Variants in IGSF21 observed in about 807,000 individuals in gnomAD.
The protein encoded by IGSF21 is immunoglobulin superfamily member 21.
A neutral mutation model predicts 46.8 loss-of-function variants in IGSF21; 28 were observed. That is an observed-to-expected ratio of 0.60 (90% CI 0.44 to 0.82). The LOEUF (loss-of-function observed/expected upper bound fraction) is 0.82. Ranked by LOEUF, IGSF21 falls within the 40% of genes least tolerant of loss-of-function variation. The pLI, the probability that IGSF21 is intolerant of heterozygous loss-of-function variation, is 0.00. For synonymous variants in IGSF21, 284 were observed against 273.6 expected (o/e 1.04, Z -0.38); for missense variants, 624 against 665.5 (o/e 0.94, Z 0.69).
At chr1:18,163,525 C>T (rs2086648643) in intron 1 of IGSF21, among the ~76,000 whole-genome samples, 1 of 152,218 alleles carries the variant, frequency 6.6e-6, no homozygotes, top group Non-Finnish European at 1.5e-5. Flanking sequence ...AGCAGATCCC[C>T]AAGGCTCTGG....
At chr1:18,258,370 A>G (rs570005473) in intron 2 of IGSF21, among the ~76,000 whole-genome samples, 1 of 152,324 alleles carries the variant, frequency 6.6e-6, no homozygotes, top group East Asian at 1.9e-4. Context: ...CTCAGTAACC[A>G]CCAATGGTAA....
rs112056562 is a variant in IGSF21, at chr1:18,277,114, C to T, written c.184-14752C>T. On this transcript the variant is annotated intron_variant, in intron 2 of 9. Transcript: ENST00000251296. ...GCCTTGAATAGATCGCCTGGCCTCC[C>T]TGGGCTGTTGCTTCTGCATTGTGCA... Among the ~76,000 whole-genome samples, 351 of 152,278 alleles carry T rather than the reference C, an allele frequency of 2.3e-3. 3 individuals carry two copies. Among genetic ancestry groups the T allele is most frequent in the African/African-American group, 8.1e-3 (337 of 41,556 alleles).
chr1:18,131,552 A>C (rs753511963), intron 1 of IGSF21, among the ~76,000 whole-genome samples: 1 of 152,242 alleles, frequency 6.6e-6, no homozygotes, highest in Non-Finnish European at 1.5e-5. Flanking sequence ...TGTGTTATAA[A>C]ATTTAATTAT....
intron 1 of IGSF21, among the ~76,000 whole-genome samples, chr1:18,148,232 GC>G (rs1355243584): frequency 6.9e-6 from 1 of 143,930 alleles, no homozygotes; most frequent in Non-Finnish European, 1.5e-5. Context: ...CTGGGTTCAC[GC>G]CGTTGTCCTG....
chr1:18,258,536 TG>T (rs1335838766), intron 2 of IGSF21, among the ~76,000 whole-genome samples: 8 of 152,304 alleles, frequency 5.3e-5, no homozygotes, highest in Admixed American at 5.2e-4. Context: ...TGTTTGAATT[TG>T]GGCATGTCTG....
chr1:18,114,041 T>A (rs896522489), intron 1 of IGSF21: 2 of 152,188 alleles, frequency 1.3e-5, no homozygotes, highest in African/African-American at 4.8e-5. Flanking sequence ...GGATCCCATG[T>A]GATAACCTCT....
intron 2 of IGSF21, among the ~76,000 whole-genome samples, chr1:18,243,665 C>G (rs1441909557): frequency 6.6e-6 from 1 of 152,164 alleles, no homozygotes; most frequent in Non-Finnish European, 1.5e-5. Flanking sequence ...TGGCACTGCC[C>G]CTTTCTGGCC....
chr1:18,234,367 G>A (rs2084654606), intron 2 of IGSF21, among the ~76,000 whole-genome samples: 1 of 152,118 alleles, frequency 6.6e-6, no homozygotes, highest in Non-Finnish European at 1.5e-5. Context: ...AGGAAGAGAA[G>A]GCAGCCAGAG....
At chr1:18,138,386 G>A (rs1431177378) in intron 1 of IGSF21, among the ~76,000 whole-genome samples, 1 of 152,108 alleles carries the variant, frequency 6.6e-6, no homozygotes, top group Non-Finnish European at 1.5e-5. Flanking sequence ...TGCTTCTTTG[G>A]GGTCTAGCAC....
chr1:18,274,533 T>C (rs2085081525), intron 2 of IGSF21, among the ~76,000 whole-genome samples: 1 of 152,280 alleles, frequency 6.6e-6, no homozygotes, highest in African/African-American at 2.4e-5. Flanking sequence ...TTTATTGGAA[T>C]ACAGTCATGT....
At chr1:18,140,937 A>T (rs1004092498) in intron 1 of IGSF21, among the ~76,000 whole-genome samples, 1 of 152,098 alleles carries the variant, frequency 6.6e-6, no homozygotes, top group African/African-American at 2.4e-5. Context: ...TACACCCCTT[A>T]GCCCTCTGCT....
intron 2 of IGSF21, among the ~76,000 whole-genome samples, chr1:18,267,456 C>T (rs912796546): frequency 6.6e-6 from 1 of 152,180 alleles, no homozygotes; most frequent in African/African-American, 2.4e-5. Context: ...CCCACTTGGG[C>T]CCACCCTCTG....
Position 18,363,251 on chromosome 1 carries a change from T to C in IGSF21, c.540+1021T>C, listed in dbSNP as rs564008081. ...ACTAGGATTTAGCAAGGTGTGGAGC[T>C]AGAGCAATGGGTACATAGGATTACA... On this transcript the variant is annotated intron_variant, in intron 5 of 9. Coordinates refer to ENST00000251296, the MANE Select transcript of IGSF21 (RefSeq NM_032880.5). Among the ~76,000 whole-genome samples, 4 of 152,300 alleles carry C rather than the reference T, an allele frequency of 2.6e-5. No individual in the cohort carries two copies. In the East Asian group the frequency reaches 7.7e-4, roughly 29 times the overall value.
chr1:18,362,385 C>T (rs539139534), intron 5 of IGSF21, among the ~76,000 whole-genome samples, 155 bp downstream of exon 5: 1 of 152,298 alleles, frequency 6.6e-6, no homozygotes, highest in African/African-American at 2.4e-5. Flanking sequence ...CCCGTTTACC[C>T]ATTGGACTGG....
At chr1:18,317,105 G>T (rs559545895) in intron 3 of IGSF21, among the ~76,000 whole-genome samples, 1 of 152,180 alleles carries the variant, frequency 6.6e-6, no homozygotes, top group African/African-American at 2.4e-5. Flanking sequence ...ACCAGTGCCT[G>T]CCCCTCTAGG....
intron 8 of IGSF21, 64 bp from the exon 9 acceptor site, chr1:18,377,329 C>A: frequency 7.1e-7 from 1 of 1,413,870 alleles, no homozygotes; most frequent in Non-Finnish European, 1.0e-6. Context: ...GGTAAAGGGC[C>A]ATTCCTTCCC....
At chr1:18,293,152 G>A (rs758655223) in intron 3 of IGSF21, among the ~76,000 whole-genome samples, 4 of 152,196 alleles carry the variant, frequency 2.6e-5, no homozygotes, top group Admixed American at 1.3e-4. Flanking sequence ...CTCTGTGACC[G>A]TGAGCTCCAG....
intron 1 of IGSF21, among the ~76,000 whole-genome samples, chr1:18,194,667 G>T (rs2086990945): frequency 6.6e-6 from 1 of 152,140 alleles, no homozygotes; most frequent in Admixed American, 6.5e-5. Context: ...CAGTATGACT[G>T]CCTCTTAACT....
chr1:18,225,396 T>A (rs1221220777), intron 1 of IGSF21, among the ~76,000 whole-genome samples: 2 of 151,888 alleles, frequency 1.3e-5, no homozygotes, highest in African/African-American at 2.4e-5. Context: ...CTCCCCTACT[T>A]GCCCTCCCCG....
Sources: allele counts gnomAD v4.1 joint callset (sites outside exome capture counted in the v4.1 genomes callset), GRCh38; gene constraint gnomAD v4.1.1; transcripts MANE v1.5; gene names NCBI Gene and HGNC (gene_info 2026-07-23, HGNC 2026-07-21).